FBLN7: variants seen among roughly 807,000 people sequenced by gnomAD.
The protein encoded by FBLN7 is fibulin-7.
Under a neutral mutation model 44.0 loss-of-function variants are expected in FBLN7, and 31 were observed. That is an observed-to-expected ratio of 0.70 (90% CI 0.53 to 0.95). FBLN7 has a LOEUF of 0.95. Among genes scored for constraint, FBLN7 ranks in the 40% least tolerant of loss-of-function variants. FBLN7 has a pLI of 0.00. For missense variants in FBLN7, 573 were observed against 618.5 expected (o/e 0.93, Z 0.78); for synonymous variants, 262 against 253.4 (o/e 1.03, Z -0.32).
chr2:112,141,638 C>T lies in FBLN7; in HGVS notation c.75+2908C>T, dbSNP rs147981673. 4.8e-3 allele frequency among the ~76,000 whole-genome samples: 730 copies of T among 152,360 alleles called. 4 individuals are homozygous for T. The highest frequency in any genetic ancestry group is 0.02 in the Middle Eastern group (6 of 294). On this transcript the variant is annotated intron_variant, in intron 1 of 7. Transcript: ENST00000331203. Reference sequence around the variant, plus strand: ...GGTTACAGAACAAAGTAAAACCCCACCTCAGACCTTGAGCCCAATGCCAGA... The same window carrying T: ...GGTTACAGAACAAAGTAAAACCCCATCTCAGACCTTGAGCCCAATGCCAGA...
chr2:112,232,985 T>C, the FBLN7 span, among the ~76,000 whole-genome samples: 1 of 152,206 alleles, frequency 6.6e-6, no homozygotes, highest in African/African-American at 2.4e-5. Context: ...CAGTAGAAAT[T>C]GTGATAAGTC....
intron 3 of FBLN7, among the ~76,000 whole-genome samples, chr2:112,175,489 G>T (rs1264241017): frequency 2.0e-5 from 3 of 152,208 alleles, no homozygotes; most frequent in Non-Finnish European, 4.4e-5. Flanking sequence ...TGTGTGCCTG[G>T]GTGCAGGGCC....
At chr2:112,160,846 G>GCACA (rs1386081512) in intron 2 of FBLN7, among the ~76,000 whole-genome samples, 1 of 105,306 alleles carries the variant, frequency 9.5e-6, no homozygotes, top group African/African-American at 3.9e-5. Context: ...GCACGCACAC[G>GCACA]CGCACACACA....
At chr2:112,219,038 T>C in the FBLN7 span, among the ~76,000 whole-genome samples, 6 of 152,346 alleles carry the variant, frequency 3.9e-5, no homozygotes, top group African/African-American at 1.4e-4. Flanking sequence ...AAGCAATCTA[T>C]GTATTCAATG....
intron 2 of FBLN7, among the ~76,000 whole-genome samples, chr2:112,160,888 A>G (rs1264949760): frequency 6.6e-6 from 1 of 152,088 alleles, no homozygotes; most frequent in African/African-American, 2.4e-5. Flanking sequence ...CCAGTGCAAT[A>G]CACTGGTTCC....
At chr2:112,140,241 C>A (rs553097585) in intron 1 of FBLN7, among the ~76,000 whole-genome samples, 1 of 147,042 alleles carries the variant, frequency 6.8e-6, no homozygotes, top group African/African-American at 2.5e-5. Context: ...CCGCGCGCCT[C>A]TCTCCACGCC....
chr2:112,166,842 T>G (rs1682186987), intron 3 of FBLN7, among the ~76,000 whole-genome samples: 1 of 152,224 alleles, frequency 6.6e-6, no homozygotes, highest in African/African-American at 2.4e-5. Context: ...CTCCAGTGCC[T>G]CTGATAGCTG....
intron 1 of FBLN7, among the ~76,000 whole-genome samples, chr2:112,144,315 T>C (rs750194786): frequency 2.6e-5 from 4 of 152,152 alleles, no homozygotes; most frequent in African/African-American, 7.2e-5. Context: ...ACAAGAACAG[T>C]TTTTATATTT....
intron 1 of FBLN7, among the ~76,000 whole-genome samples, chr2:112,139,944 C>T (rs1175726816): frequency 1.3e-5 from 1 of 76,644 alleles, no homozygotes; most frequent in Non-Finnish European, 2.4e-5. Flanking sequence ...GTGTCCCTCC[C>T]GCCTCTCTCC....
chr2:112,161,710 A>G (rs1170189653), intron 2 of FBLN7, among the ~76,000 whole-genome samples: 1 of 152,266 alleles, frequency 6.6e-6, no homozygotes. Flanking sequence ...CTAGACAGAT[A>G]GAAAGGCAGT....
chr2:112,240,989 G>A, the FBLN7 span, among the ~76,000 whole-genome samples: 3 of 127,516 alleles, frequency 2.4e-5, no homozygotes, highest in Non-Finnish European at 3.6e-5. Context: ...GTGTGTGCGC[G>A]TGTGTATGTG....
chr2:112,204,273 CAA>C, the FBLN7 span, among the ~76,000 whole-genome samples: 21 of 99,064 alleles, frequency 2.1e-4, no homozygotes, highest in Admixed American at 3.0e-4. Flanking sequence ...GCTTGAGGAA[CAA>C]AAAAAAAAAA....
the FBLN7 span, among the ~76,000 whole-genome samples, chr2:112,210,377 C>T: frequency 1.3e-5 from 2 of 151,836 alleles, no homozygotes; most frequent in Admixed American, 6.6e-5. Flanking sequence ...GGTAATAGGC[C>T]GGGCACGGTG....
the FBLN7 span, among the ~76,000 whole-genome samples, chr2:112,219,785 A>C: frequency 4.6e-5 from 7 of 152,066 alleles, no homozygotes; most frequent in Admixed American, 1.3e-4. Flanking sequence ...TACTAGGTCC[A>C]TTTGGTCAAG....
At chr2:112,218,198 T>C in the FBLN7 span, among the ~76,000 whole-genome samples, 1 of 152,220 alleles carries the variant, frequency 6.6e-6, no homozygotes, top group African/African-American at 2.4e-5. Context: ...GGCATAATAT[T>C]GAAAAGACTG....
intron 1 of FBLN7, chr2:112,152,116 G>A (rs1681187346): frequency 6.6e-6 from 1 of 152,240 alleles, no homozygotes; most frequent in South Asian, 2.1e-4. Context: ...CAGGACTCAC[G>A]AAGGTTCTCT....
In FBLN7 at chr2:112,159,838, G is replaced by A. The variant is rs1356613280; in HGVS notation, c.235+3G>A. The A allele has an allele frequency of 3.3e-6, 5 of 1,531,010 alleles. No individual in the cohort carries two copies. The allele number at this position is 1,531,010 out of a possible 1,614,324, so 94.8% of individuals were successfully genotyped here. On this transcript the variant is annotated splice_donor_region_variant and intron_variant, in intron 2 of 7. Coordinates refer to ENST00000331203, the MANE Select transcript of FBLN7 (RefSeq NM_153214.3). The stretch of plus-strand genomic sequence containing the variant: ...GGTGGGCCCAGATGCCCTTCCAGGT[G>A]GGTCCCCACGTCGGCACCGCTGGGG...
the FBLN7 span, among the ~76,000 whole-genome samples, chr2:112,224,457 G>A: frequency 6.6e-6 from 1 of 152,198 alleles, no homozygotes; most frequent in African/African-American, 2.4e-5. Flanking sequence ...ATTGTATTCA[G>A]TGGGGAAAAT....
the FBLN7 span, among the ~76,000 whole-genome samples, chr2:112,226,367 T>C: frequency 6.6e-6 from 1 of 151,610 alleles, no homozygotes; most frequent in Non-Finnish European, 1.5e-5. Flanking sequence ...GGCGGGCAGA[T>C]CATGAGGTCA....
Sources: gnomAD v4.1 joint callset for allele counts (sites outside exome capture counted in the v4.1 genomes callset) on GRCh38, gnomAD v4.1.1 for gene constraint, MANE v1.5 for transcripts, NCBI Gene and HGNC (gene_info 2026-07-23, HGNC 2026-07-21) for gene names.